Variants in DMD observed in about 807,000 individuals in gnomAD.
DMD encodes the protein dystrophin.
In DMD, 63 loss-of-function variants were observed where a neutral mutation model predicts 330.1. The ratio of observed to expected loss-of-function variants is 0.19; its 90% confidence interval spans 0.16 to 0.24. The LOEUF (loss-of-function observed/expected upper bound fraction) is 0.24, where lower values mean the gene tolerates loss of function less well. Among genes scored for constraint, DMD ranks in the 10% least tolerant of loss-of-function variants. The pLI, the probability that DMD is intolerant of heterozygous loss-of-function variation, is 1.00. For synonymous variants in DMD, 1,223 were observed against 959.8 expected, an observed-to-expected ratio of 1.27 and a Z score of -5.07; for missense variants, 3,344 against 2,684.1, an observed-to-expected ratio of 1.25 and a Z score of -5.43.
rs774186381 is a variant in DMD at position 31,232,211 on chromosome X, A to G, written c.9287-9090T>C. Among the ~76,000 whole-genome samples, 6 of 110,127 alleles carry G rather than the reference A, an allele frequency of 5.4e-5. No individual in the cohort carries two copies. In the South Asian group the frequency reaches 2.4e-3, roughly 44 times the overall value. On this transcript the variant is annotated intron_variant, in intron 63 of 78. Transcript: ENST00000357033. ...GAAGAGTGGGCACAGATAAGGCCTG[A>G]CAGGTAGGCAGGGGGAGGCCCACTG...
At chrX:31,667,979 C>T (rs2081524915) in intron 53 of DMD, among the ~76,000 whole-genome samples, 2 of 111,694 alleles carry the variant, frequency 1.8e-5, no homozygotes, top group Admixed American at 9.5e-5. Context: ...GTAAAAAGTA[C>T]TATCTCCTTG....
chrX:33,331,717 C>T (rs746454319), intron 1 of DMD, among the ~76,000 whole-genome samples: 1 of 111,531 alleles, frequency 9.0e-6, no homozygotes, highest in East Asian at 2.8e-4. Flanking sequence ...CAGTTGTCAT[C>T]CTGTACCTCC....
intron 29 of DMD, among the ~76,000 whole-genome samples, chrX:32,416,980 A>G (rs1227097777): frequency 3.6e-5 from 4 of 111,883 alleles, no homozygotes; most frequent in Non-Finnish European, 7.5e-5. Context: ...TTCAAGTGCC[A>G]AGTACTAAGA....
At chrX:32,917,159 TCC>T (rs376979402) in intron 2 of DMD, among the ~76,000 whole-genome samples, 5 of 89,238 alleles carry the variant, frequency 5.6e-5, no homozygotes, top group African/African-American at 2.1e-4. Flanking sequence ...GTGTGGCACT[TCC>T]CCCCCCCCCA....
intron 45 of DMD, among the ~76,000 whole-genome samples, chrX:31,951,145 A>ATATATATATG (rs2095165843): frequency 4.2e-5 from 3 of 71,282 alleles, no homozygotes; most frequent in African/African-American, 2.0e-4. Flanking sequence ...ATATATGTGT[A>ATATATATATG]TATATATATA....
intron 1 of DMD, among the ~76,000 whole-genome samples, chrX:33,031,569 G>A (rs879063873): frequency 3.6e-5 from 4 of 110,835 alleles, no homozygotes; most frequent in African/African-American, 1.3e-4. Context: ...TCAGGAGTTC[G>A]AGACCAGCCT....
At chrX:33,193,472 A>C (rs184207110) in intron 1 of DMD, among the ~76,000 whole-genome samples, 1 of 112,337 alleles carries the variant, frequency 8.9e-6, no homozygotes, top group East Asian at 2.8e-4. Context: ...TTGATAAAAG[A>C]GATACAGTGT....
chrX:32,406,139 A>C lies in DMD; in HGVS notation c.4233+5613T>G, dbSNP rs756000470. ...CTTTGCTGAAGTTGCTTATCAGCTTAAGGAGATTTTGGGCTGAGACAATGG... is the reference window on the plus strand; with the variant it reads ...CTTTGCTGAAGTTGCTTATCAGCTTCAGGAGATTTTGGGCTGAGACAATGG... On this transcript the variant is annotated intron_variant, in intron 30 of 78. Transcript: ENST00000357033. Among the ~76,000 whole-genome samples the C allele has an allele frequency of 7.2e-5, 8 of 111,719 alleles. No individual in the cohort carries two copies. In the East Asian group the frequency reaches 2.3e-3, roughly 32 times the overall value.
chrX:32,982,065 C>A (rs1482800984), intron 2 of DMD, among the ~76,000 whole-genome samples: 1 of 111,570 alleles, frequency 9.0e-6, no homozygotes, highest in Non-Finnish European at 1.9e-5. Flanking sequence ...TTCCCTCTTA[C>A]TGGAAAGATA....
rs1003404150 is a variant in DMD at position 32,930,385 on chromosome X, G to GTATTAT, written c.94-80571_94-80566dup. Among the ~76,000 whole-genome samples the GTATTAT allele has an allele frequency of 1.9e-4, 21 of 109,342 alleles. 1 individual carries two copies. The East Asian group carries it at 2.6e-3, about 13-fold the overall frequency. 95.0% of individuals were successfully genotyped at this position (109,342 alleles called of 115,157 possible). A position where few individuals can be genotyped will look rare whatever the true frequency, so the allele number is the denominator to read the frequency against. On this transcript the variant is annotated intron_variant, in intron 2 of 78. Transcript: ENST00000357033. ...AAAAGTAATAAAAATATATGATACG[G>GTATTAT]TATTATTATTATTATTATTAGGTCT...
chrX:31,161,448 A>G (rs1444779644), intron 74 of DMD, among the ~76,000 whole-genome samples: 2 of 112,196 alleles, frequency 1.8e-5, no homozygotes, highest in Non-Finnish European at 3.8e-5. Context: ...GGCAAATAGA[A>G]TTCAGTATGT....
At chrX:32,514,198 A>G (rs1452830631) in intron 18 of DMD, among the ~76,000 whole-genome samples, 1 of 105,824 alleles carries the variant, frequency 9.4e-6, no homozygotes, top group South Asian at 4.5e-4. Flanking sequence ...ATGAGCCTCA[A>G]CCAGGTGAAG....
chrX:31,728,516 G>A (rs2086253557), intron 52 of DMD, among the ~76,000 whole-genome samples: 1 of 112,035 alleles, frequency 8.9e-6, no homozygotes, highest in African/African-American at 3.2e-5. Context: ...TACCCAATAT[G>A]TGGAAGTATG....
chrX:32,877,874 A>C (rs1422275687), intron 2 of DMD, among the ~76,000 whole-genome samples: 1 of 111,700 alleles, frequency 9.0e-6, no homozygotes, highest in Non-Finnish European at 1.9e-5. Context: ...TGAGGCTGGC[A>C]CTTTGCCTGC....
intron 55 of DMD, among the ~76,000 whole-genome samples, chrX:31,535,565 G>A (rs1037286472): frequency 2.9e-5 from 3 of 104,489 alleles, no homozygotes; most frequent in Non-Finnish European, 5.9e-5. Flanking sequence ...TACCATTCAG[G>A]ACATAGGCGT....
At position 32,360,617 on chromosome X, in the gene DMD, G is replaced by A. The variant is rs190645448; in HGVS notation, c.5325+2171C>T. ...AGCCTGGCCAACGTGGTGAAACCCC[G>A]TCTCTGCCAAAATACAAAAATTAGC... is the stretch of plus-strand genomic sequence containing the variant. On this transcript the variant is annotated intron_variant, in intron 37 of 78. Transcript: ENST00000357033. 8.2e-3 allele frequency among the ~76,000 whole-genome samples: 894 copies of A among 109,193 alleles called. 12 individuals carry two copies. The highest frequency in any genetic ancestry group is 0.014 in the Middle Eastern group (3 of 212). 94.8% of individuals were successfully genotyped at this position (109,193 alleles called of 115,157 possible). A position where few individuals can be genotyped will look rare whatever the true frequency, so the allele number is the denominator to read the frequency against.
At chrX:32,510,346 C>A (rs1157948040) in intron 18 of DMD, among the ~76,000 whole-genome samples, 1 of 111,846 alleles carries the variant, frequency 8.9e-6, no homozygotes, top group African/African-American at 3.3e-5. Flanking sequence ...ACATTTTCCC[C>A]CATCAAATGC....
At chrX:33,236,239 T>G (rs2052479451) in intron 1 of DMD, among the ~76,000 whole-genome samples, 1 of 105,169 alleles carries the variant, frequency 9.5e-6, no homozygotes, top group Admixed American at 1.0e-4. Flanking sequence ...GCAAAACGAG[T>G]GCCAATATTT....
chrX:32,123,688 C>T (rs745668076), intron 44 of DMD, among the ~76,000 whole-genome samples: 30 of 111,742 alleles, frequency 2.7e-4, no homozygotes, highest in African/African-American at 8.1e-4. Context: ...TGTGTGAATC[C>T]GCTTTCTTAT....
Sources: allele counts gnomAD v4.1 joint callset (sites outside exome capture counted in the v4.1 genomes callset), GRCh38; gene constraint gnomAD v4.1.1; transcripts MANE v1.5; gene names NCBI Gene and HGNC (gene_info 2026-07-23, HGNC 2026-07-21).